Variants in ZFAND6 observed in about 807,000 individuals in gnomAD.
ZFAND6 encodes the protein zinc finger AN1-type containing 6, also known as AN1-type zinc finger protein 6.
ZFAND6 carries 12 observed loss-of-function variants against 24.5 expected under a neutral mutation model. That is an observed-to-expected ratio of 0.49 (90% CI 0.31 to 0.79). The LOEUF is 0.79. Among genes scored for constraint, ZFAND6 ranks in the 30% least tolerant of loss-of-function variants. The pLI is 0.04. For synonymous variants in ZFAND6, 92 were observed against 81.5 expected, an observed-to-expected ratio of 1.13 and a Z score of -0.69; for missense variants, 207 against 245.9, an observed-to-expected ratio of 0.84 and a Z score of 1.06.
At chr15:80,065,877 A>G (rs1403387647) in intron 1 of ZFAND6, among the ~76,000 whole-genome samples, 1 of 152,046 alleles carries the variant, frequency 6.6e-6, no homozygotes, top group African/African-American at 2.4e-5. Flanking sequence ...AAAAATTGCA[A>G]CTTTTATAAT....
chr15:80,099,916 C>A (rs939042471), intron 2 of ZFAND6, among the ~76,000 whole-genome samples: 11 of 151,956 alleles, frequency 7.2e-5, no homozygotes, highest in Admixed American at 3.9e-4. Context: ...CTTGCGCGGC[C>A]GAATATGGAT....
At chr15:80,069,672 G>A (rs1376621225) in intron 1 of ZFAND6, among the ~76,000 whole-genome samples, 1 of 151,878 alleles carries the variant, frequency 6.6e-6, no homozygotes, top group African/African-American at 2.4e-5. Flanking sequence ...TTACTCTATA[G>A]CCCAGGCTGG....
At chr15:80,131,127 A>C (rs1596319238) in intron 5 of ZFAND6, 53 bp from the exon 6 acceptor site, 1 of 1,409,982 alleles carries the variant, frequency 7.1e-7, no homozygotes, top group East Asian at 2.3e-5. Flanking sequence ...GGGATGAGGA[A>C]TAGCAAAATC....
chr15:80,091,625 A>G (rs955594937), intron 1 of ZFAND6, among the ~76,000 whole-genome samples: 4 of 139,340 alleles, frequency 2.9e-5, no homozygotes, highest in South Asian at 4.9e-4. Context: ...AATTTTTAAT[A>G]TATTTACTAT....
chr15:80,090,353 T>C lies in ZFAND6; in HGVS notation c.-180-8063T>C, dbSNP rs540780472. Among the ~76,000 whole-genome samples the C allele has an allele frequency of 7.9e-5, 12 of 152,336 alleles. No individual in the cohort carries two copies. In the South Asian group the frequency reaches 2.5e-3, roughly 32 times the overall value. ...GCTTGAGCTTTGGAGTCAGACTCTC[T>C]GGGTTCAAATCCTTGCTTTACTGCT... is the stretch of plus-strand genomic sequence containing the variant. On this transcript the variant is annotated intron_variant, in intron 1 of 6. Coordinates refer to ENST00000261749, the MANE Select transcript of ZFAND6 (RefSeq NM_019006.4).
intron 2 of ZFAND6, among the ~76,000 whole-genome samples, chr15:80,105,010 C>T (rs776462397): frequency 3.9e-5 from 6 of 152,088 alleles, no homozygotes; most frequent in African/African-American, 1.4e-4. Context: ...TGGTGGGATT[C>T]CCTGTTGCTT....
At chr15:80,133,692 G>T (rs933596288) in intron 6 of ZFAND6, among the ~76,000 whole-genome samples, 21 of 152,162 alleles carry the variant, frequency 1.4e-4, no homozygotes, top group Non-Finnish European at 1.2e-4. Context: ...GAAGAAAAAG[G>T]TCACAAAGAT....
At chr15:80,104,941 A>G (rs904466404) in intron 2 of ZFAND6, among the ~76,000 whole-genome samples, 1 of 152,220 alleles carries the variant, frequency 6.6e-6, no homozygotes, top group Non-Finnish European at 1.5e-5. Flanking sequence ...AGTATATAAA[A>G]AACAGTAATA....
intron 1 of ZFAND6, chr15:80,072,704 A>G (rs369083325): frequency 2.2e-4 from 33 of 151,972 alleles, no homozygotes; most frequent in African/African-American, 7.2e-4. Context: ...TTGCTCCTTT[A>G]TGATTCTGTG....
At chr15:80,105,048 T>C (rs1342788215) in intron 2 of ZFAND6, among the ~76,000 whole-genome samples, 1 of 152,194 alleles carries the variant, frequency 6.6e-6, no homozygotes, top group Non-Finnish European at 1.5e-5. Context: ...CTCCTTATCA[T>C]GGAAACACAG....
intron 2 of ZFAND6, among the ~76,000 whole-genome samples, chr15:80,101,319 C>T (rs138802785): frequency 5.9e-5 from 9 of 152,142 alleles, no homozygotes; most frequent in Non-Finnish European, 1.0e-4. Context: ...AAAAATTAGC[C>T]GGGCATGGTG....
At chr15:80,132,860 C>T (rs2040671636) in intron 6 of ZFAND6, among the ~76,000 whole-genome samples, 1 of 151,668 alleles carries the variant, frequency 6.6e-6, no homozygotes. Flanking sequence ...TTAATGTCTG[C>T]AGCTGCTATT....
chr15:80,079,720 G>T (rs1414580084), intron 1 of ZFAND6, among the ~76,000 whole-genome samples: 1 of 143,938 alleles, frequency 6.9e-6, no homozygotes, highest in Admixed American at 7.2e-5. Context: ...CGCAAACTTG[G>T]CTCACTGCAA....
chr15:80,105,233 T>C (rs2039258009), intron 2 of ZFAND6, among the ~76,000 whole-genome samples: 1 of 152,222 alleles, frequency 6.6e-6, no homozygotes, highest in Non-Finnish European at 1.5e-5. Context: ...AATTGATACA[T>C]CATTTTATAA....
chr15:80,136,541 A>G (rs7176220), intron 6 of ZFAND6, among the ~76,000 whole-genome samples: 104,296 of 152,072 alleles, frequency 0.69, 36,141 homozygotes, highest in Admixed American at 0.8. Flanking sequence ...GTGAGATTTA[A>G]TAATTTTCAT....
intron 2 of ZFAND6, chr15:80,111,314 TCCAGGACCCC>T (rs1438944724): frequency 3.8e-5 from 13 of 341,384 alleles, no homozygotes; most frequent in Non-Finnish European, 7.0e-5. Flanking sequence ...AGGTATTGGT[TCCAGGACCCC>T]CCTCATCCCA....
intron 2 of ZFAND6, among the ~76,000 whole-genome samples, chr15:80,110,304 C>T (rs2039542952): frequency 6.6e-6 from 1 of 152,082 alleles, no homozygotes; most frequent in African/African-American, 2.4e-5. Flanking sequence ...CAGAAAATGA[C>T]ATTTAAAAAT....
At chr15:80,092,957 AT>A (rs34614890) in intron 1 of ZFAND6, among the ~76,000 whole-genome samples, 91,000 of 141,844 alleles carry the variant, frequency 0.64, 28,884 homozygotes, top group Admixed American at 0.76. Context: ...GGCTACTACA[AT>A]TTTTTTTTTT....
At chr15:80,096,674 AT>A (rs2038741431) in intron 1 of ZFAND6, among the ~76,000 whole-genome samples, 1 of 152,200 alleles carries the variant, frequency 6.6e-6, no homozygotes, top group South Asian at 2.1e-4. Context: ...TATGTTGCTA[AT>A]ATAAACAGTA....
Sources: allele counts gnomAD v4.1 joint callset (sites outside exome capture counted in the v4.1 genomes callset), GRCh38; gene constraint gnomAD v4.1.1; transcripts MANE v1.5; gene names NCBI Gene and HGNC (gene_info 2026-07-23, HGNC 2026-07-21).